Variants in CACNB1 observed in about 807,000 individuals in gnomAD.
CACNB1 encodes the protein calcium voltage-gated channel auxiliary subunit beta 1.
In CACNB1, 29 loss-of-function variants were observed where a neutral mutation model predicts 71.6. The observed-to-expected ratio is 0.40, with a 90% CI of 0.30 to 0.55. The LOEUF is 0.55. Ranked by LOEUF, CACNB1 falls within the 20% of genes least tolerant of loss-of-function variation. The pLI is 0.38. For missense variants in CACNB1, 623 were observed against 801.8 expected (o/e 0.78, Z 2.69); for synonymous variants, 300 against 319.6 (o/e 0.94, Z 0.65).
chr17:39,185,296 T>A (rs1326651307), intron 6 of CACNB1, 146 bp from the exon 7 acceptor site: 1 of 720,776 alleles, frequency 1.4e-6, no homozygotes, highest in Non-Finnish European at 2.5e-6. Flanking sequence ...TGCGTGTTAG[T>A]GACAGACAGA....
At chr17:39,177,604 C>T in intron 12 of CACNB1, 69 bp from the exon 13 acceptor site, 2 of 1,312,510 alleles carry the variant, frequency 1.5e-6, no homozygotes, top group Non-Finnish European at 2.1e-6. Flanking sequence ...GAGGGTGTGG[C>T]CTGGGTGCAG....
chr17:39,184,384 CTGGGGG>C lies in CACNB1; in HGVS notation c.730-7_730-2del. 6 of 772,252 alleles carry C rather than the reference CTGGGGG, an allele frequency of 7.8e-6. No individual in the cohort carries two copies. Among genetic ancestry groups the C allele is most frequent in the Non-Finnish European group, 1.2e-5 (6 of 502,132 alleles). The allele number at this position is 772,252 out of a possible 1,614,324, so 47.8% of individuals were successfully genotyped here. ...AAGCTTTCTGCATCATGTCTGTAAC[CTGGGGG>C]TGGGGGTTTGTGGGGAGGGAGGGAG... On this transcript the variant is annotated splice_acceptor_variant and splice_polypyrimidine_tract_variant and intron_variant, in intron 8 of 13. Transcript: ENST00000394303. LOFTEE classifies it high-confidence loss of function.
At position 39,186,010 on chromosome 17, in the gene CACNB1, A is replaced by C. The variant is rs1487387769; in HGVS notation, c.628+486T>G. The C allele has an allele frequency of 6.2e-7, 1 of 1,613,798 alleles. No homozygotes were observed. The highest frequency in any genetic ancestry group is 1.3e-5 in the African/African-American group (1 of 74,902). Reference sequence around the variant, plus strand: ...GCGGGGTGGTGACACTGCTAACACTAGTCTTGGCAGAGCCACTCTGCTCAC... The same window carrying C: ...GCGGGGTGGTGACACTGCTAACACTCGTCTTGGCAGAGCCACTCTGCTCAC... On this transcript the variant is annotated intron_variant, in intron 6 of 13. Transcript: ENST00000394303. The surrounding 1 kb of genome is among the most constrained non-coding windows in gnomAD (Gnocchi z 4.1).
intron 11 of CACNB1, among the ~76,000 whole-genome samples, chr17:39,180,342 T>C (rs1200219566): frequency 6.6e-6 from 1 of 151,544 alleles, no homozygotes; most frequent in Non-Finnish European, 1.5e-5. Context: ...TTGTGTAAGA[T>C]AATGATGTTG....
intron 6 of CACNB1, among the ~76,000 whole-genome samples, chr17:39,185,556 G>GTCC (rs1555582957): frequency 6.7e-6 from 1 of 149,838 alleles, no homozygotes; most frequent in Non-Finnish European, 1.5e-5. Flanking sequence ...GCAGCCAGCA[G>GTCC]CCCCCCCCCA....
Position 39,175,379 on chromosome 17 carries a change from C to A in CACNB1, c.1611G>T (p.Gly537=), listed in dbSNP as rs779829986. The A allele has an allele frequency of 8.1e-6, 13 of 1,614,188 alleles. No individual in the cohort carries two copies. Among genetic ancestry groups the A allele is most frequent in the Non-Finnish European group, 1.0e-5 (12 of 1,180,032 alleles). ...SEGPGLGDPA[G]GGTPPARQGS... is the part of the protein sequence containing the mutation. ...CCTGTCGGGCTGGGGGCGTGCCGCC[C>A]CCTGCAGGGTCTCCAAGCCCTGGCC... Residue 537 remains glycine (G), a synonymous_variant, in exon 14 of 14, where the codon GGG becomes GGT. Transcript: ENST00000394303. This position sits in a 1 kb window ranked among gnomAD's most constrained non-coding sequence, Gnocchi z 4.7.
chr17:39,188,002 G>C (rs2045982228), intron 3 of CACNB1, among the ~76,000 whole-genome samples: 1 of 152,006 alleles, frequency 6.6e-6, no homozygotes, highest in Non-Finnish European at 1.5e-5. Context: ...AACAGGGCAA[G>C]ACTCCATTTC....
chr17:39,188,439 G>C (rs1006263804), intron 3 of CACNB1, among the ~76,000 whole-genome samples: 8 of 152,154 alleles, frequency 5.3e-5, no homozygotes, highest in Admixed American at 5.2e-4. Flanking sequence ...GCTGGGCGCA[G>C]TGGCAGATGC....
chr17:39,186,981 G>A lies in CACNB1; in HGVS notation c.415-52C>T, dbSNP rs748210247. ...AAAGAGCAAGAGGGAAACTGCAGGG[G>A]CAAGCTAGCAGTCACTCTCTAGGGG... On this transcript the variant is annotated intron_variant, in intron 4 of 13. Transcript: ENST00000394303. This position sits in a 1 kb window ranked among gnomAD's most constrained non-coding sequence, Gnocchi z 4.1. 8.2e-6 allele frequency: 13 copies of A among 1,593,596 alleles called. No individual in the cohort carries two copies. Among genetic ancestry groups the A allele is most frequent in the Non-Finnish European group, 1.1e-5 (13 of 1,163,338 alleles).
At chr17:39,190,229 C>T (rs1314551329) in intron 3 of CACNB1, among the ~76,000 whole-genome samples, 1 of 151,984 alleles carries the variant, frequency 6.6e-6, no homozygotes, top group Admixed American at 6.6e-5. Context: ...CAAGACCAGC[C>T]TGGGCAACAT....
intron 11 of CACNB1, among the ~76,000 whole-genome samples, chr17:39,179,653 C>G (rs1247137711): frequency 6.6e-6 from 1 of 151,722 alleles, no homozygotes; most frequent in African/African-American, 2.4e-5. Flanking sequence ...AATCCCAGTA[C>G]TTTGGGAGGC....
At chr17:39,189,481 A>G (rs148523090) in intron 3 of CACNB1, among the ~76,000 whole-genome samples, 214 of 152,076 alleles carry the variant, frequency 1.4e-3, no homozygotes, top group African/African-American at 5.1e-3. Context: ...TGAGCAATAT[A>G]GGGAGATCCT....
chr17:39,182,635 G>A (rs1442771336), intron 11 of CACNB1, among the ~76,000 whole-genome samples: 1 of 151,584 alleles, frequency 6.6e-6, no homozygotes, highest in East Asian at 1.9e-4. Flanking sequence ...CTGGGAGGTG[G>A]AGGTTGCAGT....
chr17:39,184,660 T>C, intron 8 of CACNB1, 124 bp downstream of exon 8: 1 of 725,200 alleles, frequency 1.4e-6, no homozygotes, highest in Admixed American at 2.3e-5. Flanking sequence ...CTGGGGGTTG[T>C]CTCTGAAAGT....
chr17:39,197,392 G>A lies in CACNB1; in HGVS notation c.84+20C>T. 3 of 1,430,850 alleles carry A rather than the reference G, an allele frequency of 2.1e-6. No homozygotes were observed. Among genetic ancestry groups the A allele is most frequent in the South Asian group, 2.9e-5 (2 of 70,168 alleles). 88.6% of individuals were successfully genotyped at this position (1,430,850 alleles called of 1,614,324 possible). On this transcript the variant is annotated intron_variant, in intron 1 of 13. Transcript: ENST00000394303. ...CGCGGGAGCGACCCCCTCCCGTTGG[G>A]CCGGGCCACCACGCCTCACCTGCGG... is the stretch of plus-strand genomic sequence containing the variant.
At chr17:39,191,641 TCCTGGG>T in intron 2 of CACNB1, 48 bp from the exon 3 acceptor site, 1 of 1,587,322 alleles carries the variant, frequency 6.3e-7, no homozygotes, top group Non-Finnish European at 8.6e-7. Context: ...CCCTCCCAGC[TCCTGGG>T]CCTGGGAAGG....
intron 13 of CACNB1, chr17:39,177,100 G>A (rs913960926): frequency 4.9e-6 from 7 of 1,415,320 alleles, no homozygotes; most frequent in Admixed American, 5.9e-5. Context: ...AGCACCAGAA[G>A]CCCCAGACCC....
rs1176649537 is a variant in CACNB1 at position 39,175,520 on chromosome 17, C to A, written c.1470G>T (p.Thr490=). 1.2e-6 allele frequency: 2 copies of A among 1,613,860 alleles called. No homozygotes were observed. The highest frequency in any genetic ancestry group is 1.3e-5 in the African/African-American group (1 of 75,034). ...TGTCTTGGCGGGACAGTGCCCGTAG[C>A]GTGCCTGCCCGGCCTGGTGGGTGGC... is the stretch of plus-strand genomic sequence containing the variant. ...PSSHPPGRAG[T]LRALSRQDTF... The change falls in exon 14 of 14, where the codon ACG becomes ACT. Residue 490 remains threonine, a synonymous_variant. Transcript: ENST00000394303. The surrounding 1 kb of genome is among the most constrained non-coding windows in gnomAD (Gnocchi z 4.7).
rs185795307 is a variant in CACNB1 at position 39,186,142 on chromosome 17, G to A, written c.628+354C>T. 1.5e-5 allele frequency: 23 copies of A among 1,581,598 alleles called. No individual in the cohort carries two copies. In the East Asian group the frequency reaches 2.2e-4, roughly 15 times the overall value. On this transcript the variant is annotated intron_variant, in intron 6 of 13. Coordinates refer to ENST00000394303, the MANE Select transcript of CACNB1 (RefSeq NM_000723.5). This position sits in a 1 kb window ranked among gnomAD's most constrained non-coding sequence, Gnocchi z 4.1. ...GTCAGGAGAGAGGGAGGAGGGAGGC[G>A]AGGTGGGGAGAAGGAGTGAGATGAA...
Sources: gnomAD v4.1 joint callset for allele counts (sites outside exome capture counted in the v4.1 genomes callset) on GRCh38, gnomAD v4.1.1 for gene constraint, Gnocchi (gnomAD v3.1) non-coding constraint, MANE v1.5 for transcripts, NCBI Gene and HGNC (gene_info 2026-07-23, HGNC 2026-07-21) for gene names.